LARP4: variants seen among roughly 807,000 people sequenced by gnomAD.
LARP4 encodes La ribonucleoprotein 4.
Under a neutral mutation model 92.9 loss-of-function variants are expected in LARP4, and 29 were observed. The observed-to-expected ratio is 0.31, with a 90% confidence interval of 0.23 to 0.43. LARP4 has a LOEUF of 0.43. LARP4 is among the 20% of genes least tolerant of loss of function. The pLI, the probability that LARP4 is intolerant of heterozygous loss-of-function variation, is 1.00. For missense variants in LARP4, 732 were observed against 860.0 expected, an observed-to-expected ratio of 0.85 and a Z score of 1.86; for synonymous variants, 279 against 284.1, an observed-to-expected ratio of 0.98 and a Z score of 0.18.
intron 13 of LARP4, 28 bp from the exon 14 acceptor site, chr12:50,473,387 T>C: frequency 1.9e-6 from 3 of 1,593,288 alleles, no homozygotes; most frequent in Non-Finnish European, 2.6e-6. Context: ...GGTCTAAGTG[T>C]AATTTTGAAA....
intron 14 of LARP4, among the ~76,000 whole-genome samples, 188 bp from the exon 15 acceptor site, chr12:50,473,811 G>A (rs1957217553): frequency 7.4e-6 from 1 of 135,656 alleles, no homozygotes; most frequent in Non-Finnish European, 1.6e-5. Flanking sequence ...GTGGGTGGGG[G>A]GGTGGGGGGG....
chr12:50,475,919 G>A lies in LARP4; in HGVS notation c.*55G>A, dbSNP rs1320418536. ...TCTCTTCCCATTAAACTTGAACTGT[G>A]GCTATATTGAACTGTTTTGGAGGGG... is the stretch of plus-strand genomic sequence containing the variant. On this transcript the variant is annotated 3_prime_UTR_variant, in exon 16 of 16. Coordinates refer to ENST00000398473, the MANE Select transcript of LARP4 (RefSeq NM_052879.5). 17 of 1,486,198 alleles carry A rather than the reference G, an allele frequency of 1.1e-5. No homozygotes were observed. The highest frequency in any genetic ancestry group is 1.1e-4 in the African/African-American group (8 of 71,810). 92.1% of individuals were successfully genotyped at this position (1,486,198 alleles called of 1,614,324 possible).
rs56129178 is a variant in LARP4 at position 50,463,420 on chromosome 12, C to CAAAA, written c.1383+815_1383+818dup. On this transcript the variant is annotated intron_variant, in intron 12 of 15. Coordinates refer to ENST00000398473, the MANE Select transcript of LARP4 (RefSeq NM_052879.5). ...GCAAGGTGATGAAACCCCATCTCTCCAAAAAAAAAAAAAAAAAAAAAAAAA... is the reference window on the plus strand; with the variant it reads ...GCAAGGTGATGAAACCCCATCTCTCCAAAAAAAAAAAAAAAAAAAAAAAAAAAAA... 4.6e-4 allele frequency among the ~76,000 whole-genome samples: 40 copies of CAAAA among 87,616 alleles called. 5 individuals carry two copies. The highest frequency in any genetic ancestry group is 1.4e-3 in the African/African-American group (27 of 19,514). The allele number at this position is 87,616 out of a possible 152,430, so 57.5% of individuals were successfully genotyped here.
chr12:50,411,206 G>A (rs924286901), intron 1 of LARP4, among the ~76,000 whole-genome samples: 1 of 145,018 alleles, frequency 6.9e-6, no homozygotes, highest in African/African-American at 2.6e-5. Flanking sequence ...TTTTTTTGAA[G>A]ATAGTGACTT....
rs142518444 is a variant in LARP4, at chr12:50,454,472, A to G, written c.1121+55A>G. The G allele has an allele frequency of 7.1e-6, 9 of 1,265,514 alleles. No homozygotes were observed. In the African/African-American group the frequency reaches 1.2e-4, roughly 17 times the overall value. The allele number at this position is 1,265,514 out of a possible 1,614,324, so 78.4% of individuals were successfully genotyped here. A position where few individuals can be genotyped will look rare whatever the true frequency, so the allele number is the denominator to read the frequency against. On this transcript the variant is annotated intron_variant, in intron 10 of 15. Transcript: ENST00000398473. ...TTTAAACAATTCCTAATGGATCTTA[A>G]GGCATTAATAGCAATGTTTGTTGTC...
At chr12:50,458,934 G>A (rs1180524638) in intron 10 of LARP4, among the ~76,000 whole-genome samples, 1 of 152,156 alleles carries the variant, frequency 6.6e-6, no homozygotes, top group Non-Finnish European at 1.5e-5. Context: ...CTAGTTTGCT[G>A]TCCTACATAT....
At chr12:50,451,935 G>A (rs1414933994) in intron 8 of LARP4, among the ~76,000 whole-genome samples, 3 of 152,018 alleles carry the variant, frequency 2.0e-5, no homozygotes, top group Non-Finnish European at 2.9e-5. Context: ...ACCAGGTGGC[G>A]GAGGTTGCAG....
In LARP4 at chr12:50,435,394, C is replaced by T. The variant is rs1593064324; in HGVS notation, c.399-94C>T. ...ATTTCTGATAGAATAATCTTATTTC[C>T]ATGCATTTAAAAAGTAGGAAAAGTG... On this transcript the variant is annotated intron_variant, in intron 4 of 15. Transcript: ENST00000398473. 9 of 728,790 alleles carry T rather than the reference C, an allele frequency of 1.2e-5. No homozygotes were observed. The East Asian group carries it at 2.4e-4, about 19-fold the overall frequency. The allele number at this position is 728,790 out of a possible 1,614,324, so 45.1% of individuals were successfully genotyped here. A position where few individuals can be genotyped will look rare whatever the true frequency, so the allele number is the denominator to read the frequency against.
chr12:50,422,770 G>A (rs557880100), intron 1 of LARP4, among the ~76,000 whole-genome samples: 47 of 146,752 alleles, frequency 3.2e-4, no homozygotes, highest in African/African-American at 1.2e-3. Flanking sequence ...CTCTATGCCA[G>A]TTGGGAAATT....
intron 8 of LARP4, among the ~76,000 whole-genome samples, chr12:50,446,003 C>CTTT (rs71441367): frequency 1.6e-4 from 20 of 126,934 alleles, no homozygotes; most frequent in Admixed American, 2.4e-4. Context: ...TTTCTTTTTT[C>CTTT]TTTTTTTTTT....
rs1949464636 is a variant in LARP4 at position 50,430,387 on chromosome 12, A to T, written c.323-108A>T. 6 of 619,244 alleles carry T rather than the reference A, an allele frequency of 9.7e-6. No homozygotes were observed. In the Admixed American group the frequency reaches 1.4e-4, roughly 15 times the overall value. 38.4% of individuals were successfully genotyped at this position (619,244 alleles called of 1,614,324 possible). Reference sequence around the variant, plus strand: ...TCTCTGAAACAATAGCTTTGTGGTGAATTTTGATTGTAGATACTTTGTGGC... The same window carrying T: ...TCTCTGAAACAATAGCTTTGTGGTGTATTTTGATTGTAGATACTTTGTGGC... On this transcript the variant is annotated intron_variant, in intron 3 of 15. Transcript: ENST00000398473.
At chr12:50,409,302 G>A (rs191147877) in intron 1 of LARP4, among the ~76,000 whole-genome samples, 8 of 152,220 alleles carry the variant, frequency 5.3e-5, no homozygotes, top group Non-Finnish European at 1.2e-4. Flanking sequence ...TCTGTAAATT[G>A]AGGACAATAA....
At chr12:50,447,320 GCAAA>G (rs1274216968) in intron 8 of LARP4, among the ~76,000 whole-genome samples, 1 of 152,158 alleles carries the variant, frequency 6.6e-6, no homozygotes, top group African/African-American at 2.4e-5. Context: ...AAAAGGGTCA[GCAAA>G]CATTTTCTTT....
chr12:50,423,866 C>G (rs998457657), intron 1 of LARP4, among the ~76,000 whole-genome samples: 1 of 151,958 alleles, frequency 6.6e-6, no homozygotes, highest in Non-Finnish European at 1.5e-5. Flanking sequence ...ATTCTCCTGC[C>G]TCAGCCTCCC....
chr12:50,464,324 A>G (rs994079281), intron 12 of LARP4, among the ~76,000 whole-genome samples: 2 of 152,262 alleles, frequency 1.3e-5, no homozygotes, highest in South Asian at 2.1e-4. Flanking sequence ...CAGTTTATAC[A>G]TGGCAGAAGT....
chr12:50,473,284 T>G (rs764284474), intron 13 of LARP4, 131 bp from the exon 14 acceptor site: 14 of 629,770 alleles, frequency 2.2e-5, no homozygotes, highest in Non-Finnish European at 3.4e-5. Context: ...GAAGTGATTT[T>G]TCACCGTGGT....
chr12:50,469,342 C>T (rs1411221171), intron 13 of LARP4, among the ~76,000 whole-genome samples: 2 of 152,068 alleles, frequency 1.3e-5, no homozygotes, highest in Non-Finnish European at 1.5e-5. Flanking sequence ...CGGTGGCTTA[C>T]GCCTGTAATC....
chr12:50,448,010 G>A (rs924765585), intron 8 of LARP4, among the ~76,000 whole-genome samples: 8 of 152,072 alleles, frequency 5.3e-5, no homozygotes, highest in African/African-American at 1.9e-4. Context: ...GGGATTACAG[G>A]CACCTGCCAC....
chr12:50,417,680 TTTAA>T (rs1415604774), intron 1 of LARP4, among the ~76,000 whole-genome samples: 1 of 152,222 alleles, frequency 6.6e-6, no homozygotes, highest in Non-Finnish European at 1.5e-5. Flanking sequence ...AGACTTCTGC[TTTAA>T]TTACTTATTA....
Sources: allele counts gnomAD v4.1 joint callset (sites outside exome capture counted in the v4.1 genomes callset), GRCh38; gene constraint gnomAD v4.1.1; transcripts MANE v1.5; gene names NCBI Gene and HGNC (gene_info 2026-07-23, HGNC 2026-07-21).